Variants in MED13L observed in about 807,000 individuals in gnomAD.
The protein encoded by MED13L is mediator complex subunit 13L.
MED13L carries 7 observed loss-of-function variants against 220.9 expected under a neutral mutation model. The ratio of observed to expected loss-of-function variants is 0.03; its 90% CI spans 0.02 to 0.06. The LOEUF (loss-of-function observed/expected upper bound fraction) is 0.06. Ranked by LOEUF, MED13L falls within the 10% of genes least tolerant of loss-of-function variation. MED13L has a pLI of 1.00. For missense variants in MED13L, 1,965 were observed against 2,760.5 expected (o/e 0.71, Z 6.46); for synonymous variants, 1,011 against 1,015.2 (o/e 1.00, Z 0.08).
At chr12:116,094,251 A>T (rs1023936396) in intron 4 of MED13L, among the ~76,000 whole-genome samples, 5 of 152,234 alleles carry the variant, frequency 3.3e-5, no homozygotes, top group Admixed American at 1.3e-4. Context: ...TTTTAAATTC[A>T]TCTTTGGTTT....
At chr12:116,156,250 A>G (rs1382757113) in intron 2 of MED13L, among the ~76,000 whole-genome samples, 1 of 152,020 alleles carries the variant, frequency 6.6e-6, no homozygotes, top group Non-Finnish European at 1.5e-5. Context: ...GAATGTCTCC[A>G]GCAAGTTATA....
intron 2 of MED13L, among the ~76,000 whole-genome samples, chr12:116,166,567 G>C (rs1282504523): frequency 1.3e-5 from 2 of 152,118 alleles, no homozygotes; most frequent in African/African-American, 4.8e-5. Flanking sequence ...CTGGGCAACA[G>C]AGCAAGACTC....
At chr12:116,276,706 T>G in intron 1 of MED13L, 3 of 744,282 alleles carry the variant, frequency 4.0e-6, no homozygotes, top group Non-Finnish European at 3.6e-6. Flanking sequence ...GCCTTCCACA[T>G]TTACGGGGGG....
Position 116,153,084 on chromosome 12 carries a change from A to G in MED13L, c.311-41572T>C, listed in dbSNP as rs1173568910. Among the ~76,000 whole-genome samples, 3 of 152,194 alleles carry G rather than the reference A, an allele frequency of 2.0e-5. No homozygotes were observed. In the East Asian group the frequency reaches 5.8e-4, roughly 29 times the overall value. On this transcript the variant is annotated intron_variant, in intron 2 of 30. Coordinates refer to ENST00000281928, the MANE Select transcript of MED13L (RefSeq NM_015335.5). ...TTCTGCATCCAATGACAGTAATGTG[A>G]GGCTCAGAATTCTCCAATAATTAAA...
intron 14 of MED13L, among the ~76,000 whole-genome samples, chr12:115,997,754 C>A (rs1441011599): frequency 2.0e-5 from 3 of 152,176 alleles, no homozygotes; most frequent in African/African-American, 7.2e-5. Flanking sequence ...CTTCTTGATG[C>A]TTTATGGTCT....
At chr12:116,194,990 C>T (rs1881527508) in intron 2 of MED13L, among the ~76,000 whole-genome samples, 1 of 152,102 alleles carries the variant, frequency 6.6e-6, no homozygotes, top group Non-Finnish European at 1.5e-5. Context: ...GGTTTCAGAT[C>T]CTATAGAAAC....
intron 2 of MED13L, among the ~76,000 whole-genome samples, chr12:116,125,779 T>A (rs1357779321): frequency 6.6e-6 from 1 of 152,242 alleles, no homozygotes; most frequent in Non-Finnish European, 1.5e-5. Context: ...ATCATCAGTA[T>A]AAAACATGTC....
At chr12:116,131,578 G>A (rs530475962) in intron 2 of MED13L, among the ~76,000 whole-genome samples, 24 of 152,230 alleles carry the variant, frequency 1.6e-4, no homozygotes, top group African/African-American at 3.4e-4. Context: ...CAGACGTTAC[G>A]ATGAAACTCT....
chr12:116,177,574 TTTA>T (rs1880164704), intron 2 of MED13L, among the ~76,000 whole-genome samples: 1 of 152,196 alleles, frequency 6.6e-6, no homozygotes, highest in Non-Finnish European at 1.5e-5. Context: ...AATAATGCTA[TTTA>T]TATAACTTTA....
At chr12:116,182,629 CTCTT>C (rs1880609176) in intron 2 of MED13L, among the ~76,000 whole-genome samples, 1 of 152,196 alleles carries the variant, frequency 6.6e-6, no homozygotes, top group African/African-American at 2.4e-5. Flanking sequence ...CTCTCACTCT[CTCTT>C]TCTCTCTGAC....
rs1873943899 is a variant in MED13L, at chr12:116,277,221, G to A, written c.-90C>T. 7 of 744,692 alleles carry A rather than the reference G, an allele frequency of 9.4e-6. No individual in the cohort carries two copies. In the South Asian group the frequency reaches 3.4e-4, roughly 36 times the overall value. 46.1% of individuals were successfully genotyped at this position (744,692 alleles called of 1,614,324 possible). ...GGCCGGGCGGCGGCGCCTCGCCGGG[G>A]AGCGCGGGGCGGCCGGGCCGCCGCC... is the stretch of plus-strand genomic sequence containing the variant. On this transcript the variant is annotated 5_prime_UTR_variant, in exon 1 of 31. Transcript: ENST00000281928.
intron 10 of MED13L, 30 bp downstream of exon 10, chr12:116,008,371 A>G (rs765317186): frequency 9.5e-6 from 15 of 1,581,920 alleles, no homozygotes; most frequent in Non-Finnish European, 1.3e-5. Flanking sequence ...CTTCCGGTGG[A>G]CGGGTGGGTG....
At chr12:116,131,798 G>C (rs567038409) in intron 2 of MED13L, among the ~76,000 whole-genome samples, 3 of 152,202 alleles carry the variant, frequency 2.0e-5, no homozygotes, top group African/African-American at 7.2e-5. Context: ...GGGCAACATG[G>C]CAAAACCTTA....
intron 4 of MED13L, among the ~76,000 whole-genome samples, chr12:116,023,553 A>T (rs1157764417): frequency 2.6e-5 from 4 of 152,220 alleles, no homozygotes; most frequent in African/African-American, 9.6e-5. Context: ...TACTACTCAA[A>T]AAAAAAATGT....
At chr12:115,993,899 G>A (rs1456010907) in intron 16 of MED13L, among the ~76,000 whole-genome samples, 1 of 152,172 alleles carries the variant, frequency 6.6e-6, no homozygotes, top group Non-Finnish European at 1.5e-5. Context: ...AAGTATGGCA[G>A]ACATGAAGCA....
intron 4 of MED13L, among the ~76,000 whole-genome samples, chr12:116,084,002 A>G (rs1393483461): frequency 2.0e-5 from 3 of 152,220 alleles, no homozygotes; most frequent in Non-Finnish European, 4.4e-5. Flanking sequence ...CTTGAATTTT[A>G]TAGCAAGTCA....
At chr12:116,072,677 C>T (rs1278161298) in intron 4 of MED13L, among the ~76,000 whole-genome samples, 3 of 152,136 alleles carry the variant, frequency 2.0e-5, no homozygotes, top group African/African-American at 7.2e-5. Flanking sequence ...TGGTCTTGAA[C>T]TCCTTGTTAA....
At chr12:116,010,916 G>C (rs985064452) in intron 9 of MED13L, among the ~76,000 whole-genome samples, 1 of 149,062 alleles carries the variant, frequency 6.7e-6, no homozygotes, top group African/African-American at 2.5e-5. Flanking sequence ...GTCTCGCTCT[G>C]TCTAGGCTGG....
chr12:116,066,485 T>G (rs1212734295), intron 4 of MED13L, among the ~76,000 whole-genome samples: 1 of 152,210 alleles, frequency 6.6e-6, no homozygotes, highest in Non-Finnish European at 1.5e-5. Flanking sequence ...CGTATGTTCT[T>G]CTAAAGACTA....
Sources: gnomAD v4.1 joint callset for allele counts (sites outside exome capture counted in the v4.1 genomes callset) on GRCh38, gnomAD v4.1.1 for gene constraint, MANE v1.5 for transcripts, NCBI Gene and HGNC (gene_info 2026-07-23, HGNC 2026-07-21) for gene names.